The following MATN2 variants were observed in gnomAD, a reference collection of about 807,000 sequenced individuals.
The protein encoded by MATN2 is matrilin-2.
In MATN2, 69 loss-of-function variants were observed where a neutral mutation model predicts 103.2. The observed-to-expected ratio is 0.67, with a 90% CI of 0.55 to 0.82. The LOEUF (loss-of-function observed/expected upper bound fraction) is 0.82. Ranked by LOEUF, MATN2 falls within the 40% of genes least tolerant of loss-of-function variation. MATN2 has a pLI of 0.00. For synonymous variants in MATN2, 429 were observed against 450.2 expected, an observed-to-expected ratio of 0.95 and a Z score of 0.60; for missense variants, 1,023 against 1,211.5, an observed-to-expected ratio of 0.84 and a Z score of 2.31.
At chr8:97,910,438 G>A (rs1258571987) in intron 2 of MATN2, among the ~76,000 whole-genome samples, 2 of 152,180 alleles carry the variant, frequency 1.3e-5, no homozygotes, top group Admixed American at 6.5e-5. Flanking sequence ...TGCTTAGGAG[G>A]CTAATGCCAT....
chr8:97,874,685 G>T (rs545450296), intron 1 of MATN2, among the ~76,000 whole-genome samples: 14 of 151,166 alleles, frequency 9.3e-5, no homozygotes, highest in Admixed American at 9.2e-4. Flanking sequence ...AAAGTGCTGG[G>T]ATTACAGGCA....
chr8:97,872,096 A>G (rs1309118226), intron 1 of MATN2, among the ~76,000 whole-genome samples: 1 of 152,238 alleles, frequency 6.6e-6, no homozygotes, highest in South Asian at 2.1e-4. Context: ...TTTGTTAGCT[A>G]TACTTACTAT....
In MATN2 at chr8:97,906,541, T is replaced by C. The variant is rs1309162606; in HGVS notation, c.142+18299T>C. 2.0e-5 allele frequency among the ~76,000 whole-genome samples: 3 copies of C among 152,208 alleles called. No homozygotes were observed. The East Asian group carries it at 5.8e-4, about 29-fold the overall frequency. ...CTGAGTCAGAGCTGGAGCTAAGCCA[T>C]TGACCAACCAGCTACTGAAGCTGAG... On this transcript the variant is annotated intron_variant, in intron 2 of 18. Transcript: ENST00000254898.
intron 2 of MATN2, among the ~76,000 whole-genome samples, chr8:97,921,934 G>A (rs1351978421): frequency 6.6e-6 from 1 of 152,226 alleles, no homozygotes; most frequent in Non-Finnish European, 1.5e-5. Flanking sequence ...GAAATGAATG[G>A]CAGGTGAGCA....
Position 98,030,486 on chromosome 8 carries a change from T to C in MATN2, c.2381T>C (p.Val794Ala). The change falls in exon 15 of 19, where the codon GTA becomes GCA. Residue 794 changes from valine to alanine, a missense_variant. Physicochemically the swap from Val to Ala is moderately conservative, Grantham distance 64. Coordinates refer to ENST00000254898, the MANE Select transcript of MATN2 (RefSeq NM_002380.5). Reference protein sequence around the residue: ...ANGITMYAVGVGKAIEEELQE... With the variant: ...ANGITMYAVGAGKAIEEELQE... ...GGTATCACTATGTATGCTGTTGGGG[T>C]AGGAAAAGCCATTGAGGAGGAACTA... 6.2e-7 allele frequency: 1 copy of C among 1,613,672 alleles called. No individual in the cohort carries two copies. Among genetic ancestry groups the C allele is most frequent in the Non-Finnish European group, 8.5e-7 (1 of 1,179,778 alleles).
chr8:97,904,574 A>G (rs768283297), intron 2 of MATN2, among the ~76,000 whole-genome samples: 1 of 152,194 alleles, frequency 6.6e-6, no homozygotes, highest in Non-Finnish European at 1.5e-5. Context: ...TTTCTCTGAT[A>G]ATATCTCGCA....
rs73698701 is a variant in MATN2, at chr8:97,969,533, C to T, written c.958+8003C>T. On this transcript the variant is annotated intron_variant, in intron 5 of 18. Coordinates refer to ENST00000254898, the MANE Select transcript of MATN2 (RefSeq NM_002380.5). ...TATGGAGTGAGAAGAGAGTGAAGGA[C>T]TGAGCCTTGGATTGCAGTCACATGT... Among the ~76,000 whole-genome samples, 1,059 of 152,214 alleles carry T rather than the reference C, an allele frequency of 7.0e-3. 8 individuals are homozygous for T. The highest frequency in any genetic ancestry group is 0.024 in the African/African-American group (1,006 of 41,510).
At chr8:97,942,739 ATTG>A in intron 4 of MATN2, among the ~76,000 whole-genome samples, 1 of 152,324 alleles carries the variant, frequency 6.6e-6, no homozygotes, top group East Asian at 1.9e-4. Flanking sequence ...GCAATGTATA[ATTG>A]TTGTTATACC....
At chr8:97,960,662 T>C (rs77157795) in intron 4 of MATN2, among the ~76,000 whole-genome samples, 3,196 of 152,342 alleles carry the variant, frequency 0.021, 126 homozygotes, top group African/African-American at 0.073. Flanking sequence ...TTTTCCTCGT[T>C]TGTTATTAGA....
At chr8:98,023,059 G>C (rs1432390198) in intron 13 of MATN2, among the ~76,000 whole-genome samples, 1 of 152,186 alleles carries the variant, frequency 6.6e-6, no homozygotes, top group Admixed American at 6.5e-5. Context: ...CTGCTCTCTA[G>C]CCTGGGCAAC....
intron 6 of MATN2, among the ~76,000 whole-genome samples, chr8:97,993,130 A>G (rs1038292632): frequency 2.0e-5 from 3 of 152,274 alleles, no homozygotes; most frequent in Non-Finnish European, 2.9e-5. Context: ...ACATTATTGT[A>G]TATTTTGCTT....
At chr8:97,942,309 C>T (rs1281447259) in intron 4 of MATN2, among the ~76,000 whole-genome samples, 3 of 152,174 alleles carry the variant, frequency 2.0e-5, no homozygotes, top group Non-Finnish European at 4.4e-5. Context: ...TTGTTAACCT[C>T]GGCTGGGAGT....
intron 1 of MATN2, chr8:97,887,804 C>T (rs1442416334): frequency 4.2e-6 from 1 of 240,956 alleles, no homozygotes; most frequent in Non-Finnish European, 7.9e-6. Context: ...TAAGAAACTT[C>T]AGGATAGATT....
intron 10 of MATN2, among the ~76,000 whole-genome samples, chr8:98,011,897 A>G (rs564760431): frequency 7.2e-5 from 11 of 152,194 alleles, no homozygotes; most frequent in Non-Finnish European, 1.3e-4. Flanking sequence ...CAGGGACCCT[A>G]AAGACCCGTG....
chr8:98,027,687 G>A lies in MATN2; in HGVS notation c.2214G>A (p.Leu738=), dbSNP rs769345514. The A allele has an allele frequency of 1.9e-6, 3 of 1,613,986 alleles. No individual in the cohort carries two copies. The highest frequency in any genetic ancestry group is 1.7e-5 in the Admixed American group (1 of 60,016). Residue 738 remains leucine (L), a synonymous_variant, in exon 14 of 19, where the codon CTG becomes CTA. Coordinates refer to ENST00000254898, the MANE Select transcript of MATN2 (RefSeq NM_002380.5). The part of the protein sequence containing the change: ...MGKGSMTGLA[L]KHMFERSFTQ... Reference sequence around the variant, plus strand: ...AGGGCTCTATGACTGGGCTGGCCCTGAAACACATGTTTGAGAGAAGTTTTA... The same window carrying A: ...AGGGCTCTATGACTGGGCTGGCCCTAAAACACATGTTTGAGAGAAGTTTTA...
At chr8:98,015,605 A>G (rs568243003) in intron 10 of MATN2, among the ~76,000 whole-genome samples, 2 of 152,342 alleles carry the variant, frequency 1.3e-5, no homozygotes, top group East Asian at 3.9e-4. Context: ...GGCTCTGCTC[A>G]GTGTCACCAT....
In MATN2 at chr8:98,036,537, C is replaced by A. The variant is rs1272174084; in HGVS notation, c.*825C>A. 1.3e-5 allele frequency: 2 copies of A among 152,104 alleles called. No homozygotes were observed. The highest frequency in any genetic ancestry group is 4.8e-5 in the African/African-American group (2 of 41,416). The allele number at this position is 152,104 out of a possible 1,614,324, so 9.4% of individuals were successfully genotyped here. ...GCAACTGCACTCAGTTGATTTCAGC[C>A]CATACATACAAAGAGACCTGCATAA... is the stretch of plus-strand genomic sequence containing the variant. On this transcript the variant is annotated 3_prime_UTR_variant, in exon 19 of 19. Coordinates refer to ENST00000254898, the MANE Select transcript of MATN2 (RefSeq NM_002380.5).
intron 12 of MATN2, 64 bp from the exon 13 acceptor site, chr8:98,021,139 CAT>C: frequency 6.7e-7 from 1 of 1,503,288 alleles, no homozygotes; most frequent in Non-Finnish European, 9.2e-7. Flanking sequence ...TCTCTACTCA[CAT>C]GACTATTCAA....
intron 6 of MATN2, among the ~76,000 whole-genome samples, chr8:97,981,379 T>C (rs964363646): frequency 1.3e-5 from 2 of 152,098 alleles, no homozygotes; most frequent in Non-Finnish European, 2.9e-5. Context: ...GCTGGAATTA[T>C]GGTCATCATG....
Sources: gnomAD v4.1 joint callset for allele counts (sites outside exome capture counted in the v4.1 genomes callset) on GRCh38, gnomAD v4.1.1 for gene constraint, MANE v1.5 for transcripts, NCBI Gene and HGNC (gene_info 2026-07-23, HGNC 2026-07-21) for gene names.